Variants in ROBO2 observed in about 807,000 individuals in gnomAD.
ROBO2 encodes roundabout homolog 2.
Under a neutral mutation model 160.8 loss-of-function variants are expected in ROBO2, and 53 were observed. The ratio of observed to expected loss-of-function variants is 0.33; its 90% CI spans 0.26 to 0.41. ROBO2 has a LOEUF of 0.41. Among genes scored for constraint, ROBO2 ranks in the 10% least tolerant of loss-of-function variants. ROBO2 has a pLI of 1.00. For synonymous variants in ROBO2, 664 were observed against 611.7 expected (o/e 1.09, Z -1.26); for missense variants, 1,577 against 1,722.4 (o/e 0.92, Z 1.49).
chr3:77,145,866 CT>C (rs1181064832), intron 2 of ROBO2, among the ~76,000 whole-genome samples: 1 of 152,126 alleles, frequency 6.6e-6, no homozygotes, highest in African/African-American at 2.4e-5. Flanking sequence ...GGCATTATTG[CT>C]GTTTGTTGGT....
At chr3:76,700,180 T>C (rs1481301084) in intron 2 of ROBO2, among the ~76,000 whole-genome samples, 1 of 152,130 alleles carries the variant, frequency 6.6e-6, no homozygotes, top group Non-Finnish European at 1.5e-5. Flanking sequence ...TCTCTTCTTA[T>C]TCTTTCTGTC....
chr3:76,414,255 TG>T (rs2075644326), intron 2 of ROBO2, among the ~76,000 whole-genome samples: 1 of 152,206 alleles, frequency 6.6e-6, no homozygotes, highest in Admixed American at 6.5e-5. Context: ...TGGTGCTTTT[TG>T]TCTGTATGCT....
intron 2 of ROBO2, among the ~76,000 whole-genome samples, chr3:76,615,107 G>T (rs923120942): frequency 3.3e-5 from 5 of 152,032 alleles, no homozygotes; most frequent in Non-Finnish European, 4.4e-5. Context: ...ATGGTTTTTT[G>T]ATTTCACTAC....
rs139588816 is a variant in ROBO2, at chr3:76,536,691, G to C, written c.110-561323G>C. On this transcript the variant is annotated intron_variant, in intron 2 of 26. Coordinates refer to the ROBO2 transcript ENST00000487694. ...TCATGACGCTGGCAGGTGTCAGTGT[G>C]AGATTGGGCTAGGGTATAAACAACT... Among the ~76,000 whole-genome samples the C allele has an allele frequency of 2.7e-4, 41 of 152,254 alleles. 2 individuals carry two copies. In the South Asian group the frequency reaches 2.7e-3, roughly 10 times the overall value.
At chr3:77,571,583 C>T (rs1003772047) in intron 13 of ROBO2, among the ~76,000 whole-genome samples, 1 of 152,082 alleles carries the variant, frequency 6.6e-6, no homozygotes, top group Middle Eastern at 3.4e-3. Context: ...CTGAAGTTCT[C>T]GTAATCATTT....
At chr3:76,551,324 T>C (rs2083406041) in intron 2 of ROBO2, among the ~76,000 whole-genome samples, 1 of 152,072 alleles carries the variant, frequency 6.6e-6, no homozygotes. Context: ...GAGAGCTGAA[T>C]ACCCATCAGG....
intron 2 of ROBO2, among the ~76,000 whole-genome samples, chr3:76,485,536 C>T (rs370672711): frequency 3.9e-5 from 6 of 152,012 alleles, no homozygotes; most frequent in Admixed American, 2.0e-4. Context: ...GGGAACTCTG[C>T]TATATGAAAA....
rs199931591 is a variant in ROBO2, at chr3:76,525,637, C to CA, written c.110-572371dup. On this transcript the variant is annotated intron_variant, in intron 2 of 26. Coordinates refer to the ROBO2 transcript ENST00000487694. The stretch of plus-strand genomic sequence containing the variant: ...TGTGCTGTTACATTAGGAACGCACT[C>CA]AAAAAAGAGGTGCTTAATTTCTCTT... 3.0e-3 allele frequency among the ~76,000 whole-genome samples: 463 copies of CA among 151,930 alleles called. 3 individuals are homozygous for CA. The highest frequency in any genetic ancestry group is 0.011 in the African/African-American group (455 of 41,504).
rs534838792 is a variant in ROBO2, at chr3:76,358,207, A to C, written c.109+420605A>C. Among the ~76,000 whole-genome samples the C allele has an allele frequency of 3.9e-5, 6 of 152,026 alleles. No homozygotes were observed. In the South Asian group the frequency reaches 1.2e-3, roughly 32 times the overall value. On this transcript the variant is annotated intron_variant, in intron 2 of 26. Transcript: ENST00000487694. ...GCCATGACTGTGTAAGAGTCCCCTT[A>C]CTTGGGGTTTTGCATATCCTAGAGA...
At chr3:77,282,842 T>C (rs555188801) in intron 2 of ROBO2, among the ~76,000 whole-genome samples, 1 of 152,056 alleles carries the variant, frequency 6.6e-6, no homozygotes, top group African/African-American at 2.4e-5. Flanking sequence ...TTATTATTTA[T>C]CTAGAGTGAA....
At chr3:76,879,398 A>G (rs532053611) in intron 2 of ROBO2, among the ~76,000 whole-genome samples, 2 of 152,250 alleles carry the variant, frequency 1.3e-5, no homozygotes, top group Admixed American at 6.5e-5. Flanking sequence ...TCCATGAAAT[A>G]TCATTTTGCT....
At chr3:76,650,689 C>T (rs886780434) in intron 2 of ROBO2, among the ~76,000 whole-genome samples, 10 of 152,056 alleles carry the variant, frequency 6.6e-5, no homozygotes, top group Non-Finnish European at 1.5e-4. Flanking sequence ...ACATTCTAAG[C>T]ATGGGGCTGA....
chr3:76,537,215 C>T (rs544188859), intron 2 of ROBO2, among the ~76,000 whole-genome samples: 19 of 151,954 alleles, frequency 1.3e-4, no homozygotes, highest in African/African-American at 4.3e-4. Context: ...GCATTGGGAG[C>T]AGAGATTAGG....
chr3:76,109,583 T>A (rs1032236925), intron 2 of ROBO2, among the ~76,000 whole-genome samples: 1 of 152,094 alleles, frequency 6.6e-6, no homozygotes, highest in African/African-American at 2.4e-5. Context: ...GCTTTCAATG[T>A]TTTTCATTTC....
At chr3:77,123,607 A>G in intron 2 of ROBO2, among the ~76,000 whole-genome samples, 1 of 151,992 alleles carries the variant, frequency 6.6e-6, no homozygotes, top group East Asian at 1.9e-4. Flanking sequence ...AATTAGACAT[A>G]CACATATGAA....
At chr3:77,017,839 TA>T (rs1454662339) in intron 2 of ROBO2, among the ~76,000 whole-genome samples, 2 of 152,218 alleles carry the variant, frequency 1.3e-5, no homozygotes, top group African/African-American at 4.8e-5. Flanking sequence ...TTTTGCTTTT[TA>T]TTTATGTTAA....
At chr3:76,049,383 G>GTGTGTGTGTATATATATA (rs1440395230) in intron 2 of ROBO2, among the ~76,000 whole-genome samples, 3 of 36,812 alleles carry the variant, frequency 8.1e-5, no homozygotes, top group African/African-American at 3.4e-4. Flanking sequence ...GCTAATTTTA[G>GTGTGTGTGTATATATATA]TATATATATA....
At chr3:76,656,343 C>T (rs753732551) in intron 2 of ROBO2, among the ~76,000 whole-genome samples, 22 of 152,104 alleles carry the variant, frequency 1.4e-4, no homozygotes, top group African/African-American at 4.3e-4. Context: ...TTATATCCTT[C>T]GTTCCCTGTA....
chr3:76,399,391 C>A (rs2077681443), intron 2 of ROBO2, among the ~76,000 whole-genome samples: 1 of 151,610 alleles, frequency 6.6e-6, no homozygotes, highest in African/African-American at 2.4e-5. Context: ...CATAGGACTG[C>A]AGAGTTTAAA....
Sources: allele counts gnomAD v4.1 joint callset (sites outside exome capture counted in the v4.1 genomes callset), GRCh38; gene constraint gnomAD v4.1.1; transcripts MANE v1.5; gene names NCBI Gene and HGNC (gene_info 2026-07-23, HGNC 2026-07-21).